Variants in AFF3 observed in about 807,000 individuals in gnomAD.
The protein encoded by AFF3 is ALF transcription elongation factor 3, also known as AF4/FMR2 family member 3.
In AFF3, 32 loss-of-function variants were observed where a neutral mutation model predicts 129.7. The ratio of observed to expected loss-of-function variants is 0.25; its 90% CI spans 0.19 to 0.33. AFF3 has a LOEUF of 0.33. Ranked by LOEUF, AFF3 falls within the 10% of genes least tolerant of loss-of-function variation. AFF3 has a pLI of 1.00. For missense variants in AFF3, 1,373 were observed against 1,592.0 expected, an observed-to-expected ratio of 0.86 and a Z score of 2.34; for synonymous variants, 644 against 635.4, an observed-to-expected ratio of 1.01 and a Z score of -0.20.
chr2:99,969,574 C>T (rs141051135), intron 7 of AFF3, among the ~76,000 whole-genome samples: 2,230 of 152,100 alleles, frequency 0.015, 63 homozygotes, highest in African/African-American at 0.051. Context: ...CTGCAACCTC[C>T]GCCTCCCAGG....
intron 7 of AFF3, among the ~76,000 whole-genome samples, chr2:99,944,540 T>C (rs1223973764): frequency 1.3e-5 from 2 of 152,246 alleles, no homozygotes; most frequent in East Asian, 3.8e-4. Flanking sequence ...AATCCAGTGA[T>C]GAATGGAGAA....
intron 7 of AFF3, among the ~76,000 whole-genome samples, chr2:99,943,565 C>G (rs1418678304): frequency 6.6e-6 from 1 of 152,178 alleles, no homozygotes; most frequent in African/African-American, 2.4e-5. Context: ...CAAACCCTAC[C>G]TCTTTTCCTC....
intron 7 of AFF3, among the ~76,000 whole-genome samples, chr2:99,883,710 C>A (rs1692897485): frequency 6.6e-6 from 1 of 152,148 alleles, no homozygotes; most frequent in Non-Finnish European, 1.5e-5. Context: ...CCCTTCCCAA[C>A]TGAAACATCC....
At chr2:100,082,579 A>G (rs1689117587) in intron 4 of AFF3, among the ~76,000 whole-genome samples, 1 of 152,236 alleles carries the variant, frequency 6.6e-6, no homozygotes, top group Admixed American at 6.5e-5. Flanking sequence ...CAAAAAGTGC[A>G]CTGCCATCAG....
At chr2:100,061,393 T>C (rs150732886) in intron 4 of AFF3, among the ~76,000 whole-genome samples, 2 of 152,108 alleles carry the variant, frequency 1.3e-5, no homozygotes, top group African/African-American at 2.4e-5. Flanking sequence ...CTGCAGTGGC[T>C]GTAATGGCTT....
intron 7 of AFF3, among the ~76,000 whole-genome samples, chr2:99,869,213 C>T (rs559866430): frequency 9.2e-5 from 14 of 152,256 alleles, no homozygotes; most frequent in South Asian, 8.3e-4. Flanking sequence ...CCAAGAAAAG[C>T]GGGTCCCCAG....
chr2:99,594,327 C>T, intron 14 of AFF3, 38 bp from the exon 15 acceptor site: 1 of 1,569,240 alleles, frequency 6.4e-7, no homozygotes, highest in African/African-American at 1.4e-5. Context: ...AAACATCTTT[C>T]ATTACAGGCT....
At chr2:99,933,455 A>G (rs1004781721) in intron 7 of AFF3, among the ~76,000 whole-genome samples, 53 of 152,154 alleles carry the variant, frequency 3.5e-4, no homozygotes, top group African/African-American at 1.3e-3. Flanking sequence ...CCCTGCATGC[A>G]TTAGGTATTT....
At chr2:99,853,214 C>T (rs766859377) in intron 7 of AFF3, among the ~76,000 whole-genome samples, 2 of 152,162 alleles carry the variant, frequency 1.3e-5, no homozygotes, top group Non-Finnish European at 2.9e-5. Context: ...AACCATATGG[C>T]CCTACAGCAG....
At chr2:100,040,851 C>A (rs2105050310) in intron 4 of AFF3, among the ~76,000 whole-genome samples, 1 of 152,342 alleles carries the variant, frequency 6.6e-6, no homozygotes, top group East Asian at 1.9e-4. Flanking sequence ...GACAGCCCCA[C>A]CTGGCTGCAC....
At position 99,593,437 on chromosome 2, in the gene AFF3, ACTGCTC is replaced by A. The variant is rs1455986790; in HGVS notation, c.2218_2223del (p.Glu740_Gln741del). 1 of 1,613,408 alleles carries A rather than the reference ACTGCTC, an allele frequency of 6.2e-7. No individual in the cohort carries two copies. The highest frequency in any genetic ancestry group is 1.7e-5 in the Admixed American group (1 of 59,960). ...CGGCCAAAGGGGACCAGTGTGTAGA[ACTGCTC>A]CTCCAGCTCCTTGGCGATGTCACTG... On this transcript the variant is annotated inframe_deletion, in exon 15 of 25. Transcript: ENST00000672756.
rs192424868 is a variant in AFF3 at position 99,737,334 on chromosome 2, G to A, written c.1039+6770C>T. 1.2e-4 allele frequency among the ~76,000 whole-genome samples: 18 copies of A among 151,936 alleles called. No homozygotes were observed. In the East Asian group the frequency reaches 2.7e-3, roughly 23 times the overall value. ...ACTTTCACTGCATTTAATCTTTCTCGCACCTCACATTCCTTCTGAACAAAG... is the reference window on the plus strand; with the variant it reads ...ACTTTCACTGCATTTAATCTTTCTCACACCTCACATTCCTTCTGAACAAAG... On this transcript the variant is annotated intron_variant, in intron 10 of 24. Transcript: ENST00000672756.
Position 99,565,527 on chromosome 2 carries a change from A to T in AFF3, c.3079T>A (p.Ser1027Thr). The T allele has an allele frequency of 6.2e-7, 1 of 1,614,144 alleles. No homozygotes were observed. Among genetic ancestry groups the T allele is most frequent in the Non-Finnish European group, 8.5e-7 (1 of 1,180,006 alleles). Residue 1027 changes from serine to threonine, a missense_variant, in exon 20 of 25, where the codon TCT becomes ACT. This residue lies in a region of AFF3 where 65 missense variants were observed against 102.1 expected (regional missense o/e 0.64). Coordinates refer to ENST00000672756, the MANE Select transcript of AFF3 (RefSeq NM_001386135.1). ...AMEQGPMESK[S>T]PYTMYSETVE... ...GTTTCTGAATACATCGTATAAGGAG[A>T]TTTGGATTCCATGGGGCCTTGTTCC... is the stretch of plus-strand genomic sequence containing the variant.
intron 10 of AFF3, among the ~76,000 whole-genome samples, chr2:99,731,215 C>T (rs1480571068): frequency 6.6e-6 from 1 of 152,168 alleles, no homozygotes; most frequent in East Asian, 1.9e-4. Flanking sequence ...TCCTTGGCTT[C>T]CCAAAGTGCT....
intron 13 of AFF3, among the ~76,000 whole-genome samples, chr2:99,636,736 C>T (rs936210925): frequency 5.3e-5 from 8 of 152,274 alleles, no homozygotes; most frequent in African/African-American, 1.2e-4. Flanking sequence ...CAGCCACAGC[C>T]GGGAGCCAGC....
intron 7 of AFF3, among the ~76,000 whole-genome samples, chr2:99,947,442 A>G (rs1331905044): frequency 6.6e-6 from 1 of 151,448 alleles, no homozygotes; most frequent in Non-Finnish European, 1.5e-5. Context: ...GACCCCCTCC[A>G]AAGATAGAAA....
chr2:99,947,678 C>T (rs901188901), intron 7 of AFF3, among the ~76,000 whole-genome samples: 1 of 145,826 alleles, frequency 6.9e-6, no homozygotes, highest in Non-Finnish European at 1.5e-5. Context: ...ACAGATAGAT[C>T]GATCCAAACA....
intron 12 of AFF3, 51 bp downstream of exon 12, chr2:99,672,487 A>C: frequency 1.9e-6 from 3 of 1,578,224 alleles, no homozygotes; most frequent in Non-Finnish European, 2.6e-6. Context: ...CCACCAGGTA[A>C]CTGTTACCAG....
At chr2:100,034,636 G>C (rs561290099) in intron 4 of AFF3, among the ~76,000 whole-genome samples, 1 of 151,298 alleles carries the variant, frequency 6.6e-6, no homozygotes, top group Non-Finnish European at 1.5e-5. Flanking sequence ...TTTACAACAA[G>C]GATTTTGAGT....
Sources: allele counts gnomAD v4.1 joint callset (sites outside exome capture counted in the v4.1 genomes callset), GRCh38; gene constraint gnomAD v4.1.1; regional missense constraint gnomAD v4.1.1; transcripts MANE v1.5; gene names NCBI Gene and HGNC (gene_info 2026-07-23, HGNC 2026-07-21).